The following SERGEF variants were observed in gnomAD, a reference collection of about 807,000 sequenced individuals.
SERGEF encodes secretion regulating guanine nucleotide exchange factor.
Under a neutral mutation model 50.0 loss-of-function variants are expected in SERGEF, and 51 were observed. The ratio of observed to expected loss-of-function variants is 1.02; its 90% CI spans 0.81 to 1.29. SERGEF has a LOEUF of 1.29. Ranked by LOEUF, SERGEF falls within the 50% of genes most tolerant of loss-of-function variation. The pLI, the probability that SERGEF is intolerant of heterozygous loss-of-function variation, is 0.00. For synonymous variants in SERGEF, 205 were observed against 212.4 expected (o/e 0.97, Z 0.30); for missense variants, 521 against 557.0 (o/e 0.94, Z 0.65).
intron 8 of SERGEF, among the ~76,000 whole-genome samples, chr11:17,980,494 A>C (rs1325251460): frequency 6.6e-6 from 1 of 152,246 alleles, no homozygotes; most frequent in African/African-American, 2.4e-5. Flanking sequence ...AGCTATAATC[A>C]AATTGAAAAT....
rs1405979392 is a variant in SERGEF at position 18,004,435 on chromosome 11, C to T, written c.447+6G>A. ...CATGGGCAAGCTAAATATTAACTGT[C>T]CTCACCTCAATGGCCTGGGGAACCA... is the stretch of plus-strand genomic sequence containing the variant. On this transcript the variant is annotated splice_donor_region_variant and intron_variant, in intron 4 of 10. Transcript: ENST00000265965. The T allele has an allele frequency of 6.2e-7, 1 of 1,607,006 alleles. No individual in the cohort carries two copies. Among genetic ancestry groups the T allele is most frequent in the Non-Finnish European group, 8.5e-7 (1 of 1,173,922 alleles).
At position 17,800,528 on chromosome 11, in the gene SERGEF, C is replaced by T. The variant is rs575114721; in HGVS notation, c.1049-12115G>A. Among the ~76,000 whole-genome samples the T allele has an allele frequency of 4.1e-4, 63 of 152,266 alleles. No homozygotes were observed. In the Middle Eastern group the frequency reaches 0.01, roughly 25 times the overall value. ...TTATAGAGTGCCAATAATATTCAAG[C>T]AGTTGCAGAGAATATAGCACCAAAC... On this transcript the variant is annotated intron_variant, in intron 10 of 10. Transcript: ENST00000265965.
intron 10 of SERGEF, among the ~76,000 whole-genome samples, chr11:17,854,435 T>C (rs1850776216): frequency 6.6e-6 from 1 of 152,204 alleles, no homozygotes; most frequent in South Asian, 2.1e-4. Flanking sequence ...AATGATGACA[T>C]ATCTACCCAG....
intron 10 of SERGEF, among the ~76,000 whole-genome samples, chr11:17,824,478 T>G (rs180852528): frequency 2.6e-5 from 4 of 152,288 alleles, no homozygotes; most frequent in Non-Finnish European, 4.4e-5. Flanking sequence ...ATAGCAATCT[T>G]GTGGGGGGAT....
chr11:17,977,245 T>C (rs764503201), intron 8 of SERGEF, among the ~76,000 whole-genome samples: 9 of 152,176 alleles, frequency 5.9e-5, no homozygotes, highest in Non-Finnish European at 8.8e-5. Flanking sequence ...AATGACACTA[T>C]GGTTTCAGGC....
At chr11:17,839,561 G>T (rs1287005280) in intron 10 of SERGEF, among the ~76,000 whole-genome samples, 3 of 152,142 alleles carry the variant, frequency 2.0e-5, no homozygotes, top group Non-Finnish European at 1.5e-5. Context: ...TCAGTCCTCA[G>T]GCAGAAAAAG....
intron 10 of SERGEF, among the ~76,000 whole-genome samples, chr11:17,828,692 C>G (rs1197087101): frequency 2.0e-5 from 3 of 152,116 alleles, no homozygotes; most frequent in Non-Finnish European, 4.4e-5. Context: ...GGGCAGCCAC[C>G]CAACCTGATT....
chr11:17,982,389 A>G (rs1429528626), intron 8 of SERGEF, among the ~76,000 whole-genome samples: 1 of 152,234 alleles, frequency 6.6e-6, no homozygotes, highest in Non-Finnish European at 1.5e-5. Flanking sequence ...TAAGGATTCT[A>G]GGATAAAAAC....
chr11:17,824,699 C>G (rs1850156891), intron 10 of SERGEF, among the ~76,000 whole-genome samples: 1 of 152,206 alleles, frequency 6.6e-6, no homozygotes, highest in African/African-American at 2.4e-5. Flanking sequence ...CTCACATGGC[C>G]TTTCCTCTGC....
chr11:17,788,090 G>C lies in SERGEF; in HGVS notation c.1372C>G (p.Leu458Val). Residue 458 changes from leucine to valine, a missense_variant, in exon 11 of 11, where the codon CTG (leucine) becomes GTG (valine). Transcript: ENST00000265965. ...SQSDWSRNGG[L>V] is the part of the protein sequence containing the mutation. ...ACTTTATTAAAGATTCTCTATCACA[G>C]TCCCCCATTTCTGGACCAGTCAGAT... is the stretch of plus-strand genomic sequence containing the variant. 1 of 1,518,478 alleles carries C rather than the reference G, an allele frequency of 6.6e-7. No homozygotes were observed. Among genetic ancestry groups the C allele is most frequent in the Non-Finnish European group, 8.8e-7 (1 of 1,131,464 alleles). The allele number at this position is 1,518,478 out of a possible 1,614,324, so 94.1% of individuals were successfully genotyped here. A position where few individuals can be genotyped will look rare whatever the true frequency, so the allele number is the denominator to read the frequency against.
chr11:17,923,862 C>A (rs1056919824), intron 9 of SERGEF, among the ~76,000 whole-genome samples: 10 of 152,192 alleles, frequency 6.6e-5, no homozygotes, highest in African/African-American at 1.9e-4. Flanking sequence ...ACCTGTCTCA[C>A]CTGCTACATC....
chr11:17,886,398 T>C (rs1565195128), intron 9 of SERGEF, among the ~76,000 whole-genome samples: 1 of 152,030 alleles, frequency 6.6e-6, no homozygotes, highest in Non-Finnish European at 1.5e-5. Flanking sequence ...TAGCTTGAGC[T>C]CATGAGTTCA....
At chr11:17,841,154 G>A (rs544199860) in intron 10 of SERGEF, among the ~76,000 whole-genome samples, 1 of 152,154 alleles carries the variant, frequency 6.6e-6, no homozygotes, top group African/African-American at 2.4e-5. Flanking sequence ...CTGACCCCCA[G>A]AGAGGCTGGA....
chr11:17,811,064 T>G (rs1849862760), intron 10 of SERGEF, among the ~76,000 whole-genome samples: 1 of 152,198 alleles, frequency 6.6e-6, no homozygotes, highest in South Asian at 2.1e-4. Flanking sequence ...GTAATGGTGG[T>G]GGAAGCAGCT....
At chr11:18,001,069 C>T (rs537607426) in intron 4 of SERGEF, among the ~76,000 whole-genome samples, 5 of 152,208 alleles carry the variant, frequency 3.3e-5, no homozygotes, top group Non-Finnish European at 7.3e-5. Flanking sequence ...AAACACCTAC[C>T]CCCAGTGACA....
intron 10 of SERGEF, among the ~76,000 whole-genome samples, chr11:17,809,818 C>T (rs1056319862): frequency 1.3e-5 from 2 of 152,114 alleles, no homozygotes; most frequent in African/African-American, 4.8e-5. Flanking sequence ...TATGTGATTC[C>T]TTGATTCACA....
intron 9 of SERGEF, among the ~76,000 whole-genome samples, chr11:17,883,283 T>C (rs1851369474): frequency 6.6e-6 from 1 of 152,178 alleles, no homozygotes; most frequent in Admixed American, 6.5e-5. Flanking sequence ...AAATACATGT[T>C]GAATGCATTA....
chr11:17,950,167 C>G (rs1213867645), intron 9 of SERGEF, among the ~76,000 whole-genome samples: 1 of 152,172 alleles, frequency 6.6e-6, no homozygotes, highest in East Asian at 1.9e-4. Flanking sequence ...ACACATTCAT[C>G]CCTATAACAA....
chr11:17,840,432 T>C (rs562770204), intron 10 of SERGEF, among the ~76,000 whole-genome samples: 19 of 152,232 alleles, frequency 1.2e-4, no homozygotes, highest in Non-Finnish European at 2.1e-4. Context: ...ACCCCCTTCC[T>C]GCCCGCCAGT....
Sources: allele counts gnomAD v4.1 joint callset (sites outside exome capture counted in the v4.1 genomes callset), GRCh38; gene constraint gnomAD v4.1.1; transcripts MANE v1.5; gene names NCBI Gene and HGNC (gene_info 2026-07-23, HGNC 2026-07-21).